TSPAN18: variants seen among roughly 807,000 people sequenced by gnomAD.
The protein encoded by TSPAN18 is tetraspanin 18, also known as tetraspanin-18.
Under a neutral mutation model 27.3 loss-of-function variants are expected in TSPAN18, and 14 were observed. That is an observed-to-expected ratio of 0.51 (90% CI 0.34 to 0.80). TSPAN18 has a LOEUF of 0.80. TSPAN18 is among the 30% of genes least tolerant of loss of function. The pLI is 0.01. For missense variants in TSPAN18, 268 were observed against 323.9 expected, an observed-to-expected ratio of 0.83 and a Z score of 1.32; for synonymous variants, 143 against 136.5, an observed-to-expected ratio of 1.05 and a Z score of -0.33.
Position 44,793,297 on chromosome 11 carries a change from A to G in TSPAN18, c.-153+28785A>G, listed in dbSNP as rs1386367562. ...GGTGGGGAGGCTCAGAGCACTTTTG[A>G]CTTTTGCTTGTGGAACAGAGCCACT... On this transcript the variant is annotated intron_variant, in intron 2 of 9. Transcript: ENST00000520358. 3.9e-5 allele frequency among the ~76,000 whole-genome samples: 6 copies of G among 152,254 alleles called. No homozygotes were observed. In the East Asian group the frequency reaches 9.7e-4, roughly 25 times the overall value.
At chr11:44,927,558 A>G (rs1860410905) in intron 9 of TSPAN18, among the ~76,000 whole-genome samples, 1 of 152,190 alleles carries the variant, frequency 6.6e-6, no homozygotes, top group African/African-American at 2.4e-5. Flanking sequence ...CACGGAGTGC[A>G]GTTTCGTGGA....
At chr11:44,735,821 G>A (rs1854779211) in intron 1 of TSPAN18, among the ~76,000 whole-genome samples, 1 of 152,038 alleles carries the variant, frequency 6.6e-6, no homozygotes, top group Non-Finnish European at 1.5e-5. Context: ...GTTTCACTGT[G>A]TTAGCCAGGA....
At chr11:44,733,349 T>G (rs1172044901) in intron 1 of TSPAN18, among the ~76,000 whole-genome samples, 1 of 152,256 alleles carries the variant, frequency 6.6e-6, no homozygotes, top group African/African-American at 2.4e-5. Flanking sequence ...GATTACAGAC[T>G]GTGTCTATTG....
At chr11:44,809,304 A>G (rs1856665879) in intron 2 of TSPAN18, among the ~76,000 whole-genome samples, 3 of 151,112 alleles carry the variant, frequency 2.0e-5, no homozygotes, top group Admixed American at 2.0e-4. Context: ...TTTCCCATTT[A>G]TCTCCACCGA....
At chr11:44,915,171 G>A (rs958235737) in intron 5 of TSPAN18, among the ~76,000 whole-genome samples, 1 of 152,212 alleles carries the variant, frequency 6.6e-6, no homozygotes, top group African/African-American at 2.4e-5. Context: ...CCAGCCTGGG[G>A]ACCTGCCAGT....
rs1048887704 is a variant in TSPAN18, at chr11:44,929,495, C to T, written c.*317C>T. On this transcript the variant is annotated 3_prime_UTR_variant, in exon 10 of 10. Transcript: ENST00000520358. ...GGCCCAGCGCCCTCTTTGGTCCAGC[C>T]AGACCCTGGGCCCTCTCTCCTCACT... is the stretch of plus-strand genomic sequence containing the variant. The T allele has an allele frequency of 5.4e-6, 2 of 369,934 alleles. No individual in the cohort carries two copies. Among genetic ancestry groups the T allele is most frequent in the African/African-American group, 4.1e-5 (2 of 48,288 alleles). 22.9% of individuals were successfully genotyped at this position (369,934 alleles called of 1,614,324 possible). A position where few individuals can be genotyped will look rare whatever the true frequency, so the allele number is the denominator to read the frequency against.
intron 3 of TSPAN18, among the ~76,000 whole-genome samples, chr11:44,882,627 C>CACACACACACACACAGAGAG (rs375349718): frequency 5.4e-5 from 7 of 130,692 alleles, no homozygotes; most frequent in South Asian, 2.6e-4. Flanking sequence ...CACACACACA[C>CACACACACACACACAGAGAG]AGAGAGAGAG....
chr11:44,877,904 G>A (rs1858381461), intron 3 of TSPAN18, among the ~76,000 whole-genome samples: 1 of 151,844 alleles, frequency 6.6e-6, no homozygotes. Flanking sequence ...TCTCCCCACT[G>A]CTCCTGGCCT....
intron 3 of TSPAN18, among the ~76,000 whole-genome samples, chr11:44,901,959 G>GTC (rs1353097525): frequency 6.6e-6 from 1 of 152,206 alleles, no homozygotes; most frequent in African/African-American, 2.4e-5. Flanking sequence ...CTGGCCATGA[G>GTC]TCAGTGCTCA....
intron 3 of TSPAN18, among the ~76,000 whole-genome samples, chr11:44,866,033 G>A (rs1056019391): frequency 2.0e-5 from 3 of 152,236 alleles, no homozygotes; most frequent in Non-Finnish European, 4.4e-5. Flanking sequence ...GTGCCCCAGG[G>A]CTCAGTCCAG....
intron 3 of TSPAN18, among the ~76,000 whole-genome samples, chr11:44,904,940 G>A (rs1269944595): frequency 6.6e-6 from 1 of 152,154 alleles, no homozygotes; most frequent in African/African-American, 2.4e-5. Flanking sequence ...ATGGAAGGAT[G>A]TGTGGTCATC....
intron 3 of TSPAN18, among the ~76,000 whole-genome samples, chr11:44,892,730 C>T (rs1858895312): frequency 6.6e-6 from 1 of 152,196 alleles, no homozygotes; most frequent in African/African-American, 2.4e-5. Flanking sequence ...ATTGGGGGCT[C>T]AGAGTCCTCT....
chr11:44,740,389 T>C (rs1413992028), intron 1 of TSPAN18, among the ~76,000 whole-genome samples: 1 of 152,190 alleles, frequency 6.6e-6, no homozygotes, highest in Non-Finnish European at 1.5e-5. Context: ...GCCTTCTTGC[T>C]GGGAAAGCAG....
intron 1 of TSPAN18, among the ~76,000 whole-genome samples, chr11:44,734,282 C>A (rs1237201269): frequency 6.6e-6 from 1 of 152,218 alleles, no homozygotes; most frequent in Non-Finnish European, 1.5e-5. Context: ...GCAACACACA[C>A]GGACTAAGAT....
At chr11:44,904,990 G>C (rs1859402926) in intron 3 of TSPAN18, among the ~76,000 whole-genome samples, 1 of 152,120 alleles carries the variant, frequency 6.6e-6, no homozygotes, top group Non-Finnish European at 1.5e-5. Context: ...GATTAAACGA[G>C]ATAATATGCG....
chr11:44,896,086 A>T (rs903814503), intron 3 of TSPAN18, among the ~76,000 whole-genome samples: 6 of 152,104 alleles, frequency 3.9e-5, no homozygotes, highest in Non-Finnish European at 7.4e-5. Flanking sequence ...CTCAATGTAC[A>T]TCTACTCAGT....
At chr11:44,861,644 C>T (rs911981978) in intron 3 of TSPAN18, among the ~76,000 whole-genome samples, 2 of 151,918 alleles carry the variant, frequency 1.3e-5, no homozygotes, top group African/African-American at 4.8e-5. Context: ...ATTCTCCCTA[C>T]TGGTGTCATG....
At chr11:44,884,665 T>TGCCTGTGACCCATGAGGGCCTC (rs1392133684) in intron 3 of TSPAN18, among the ~76,000 whole-genome samples, 1 of 152,174 alleles carries the variant, frequency 6.6e-6, no homozygotes, top group Non-Finnish European at 1.5e-5. Flanking sequence ...CTAAGGGCAT[T>TGCCTGTGACCCATGAGGGCCTC]GCCTGTGACC....
chr11:44,846,052 A>G (rs1239762013), intron 2 of TSPAN18, among the ~76,000 whole-genome samples: 2 of 152,202 alleles, frequency 1.3e-5, no homozygotes, highest in Non-Finnish European at 2.9e-5. Flanking sequence ...TGCTGATGGA[A>G]CCTTTCTTTA....
Sources: gnomAD v4.1 joint callset for allele counts (sites outside exome capture counted in the v4.1 genomes callset) on GRCh38, gnomAD v4.1.1 for gene constraint, MANE v1.5 for transcripts, NCBI Gene and HGNC (gene_info 2026-07-23, HGNC 2026-07-21) for gene names.